Variants in BANP observed in about 807,000 individuals in gnomAD.
The protein encoded by BANP is BTG3 associated nuclear protein.
In BANP, 11 loss-of-function variants were observed where a neutral mutation model predicts 68.1. That is an observed-to-expected ratio of 0.16 (90% CI 0.10 to 0.27). The LOEUF is 0.27. Among genes scored for constraint, BANP ranks in the 10% least tolerant of loss-of-function variants. BANP has a pLI of 1.00. For missense variants in BANP, 504 were observed against 722.7 expected (o/e 0.70, Z 3.47); for synonymous variants, 329 against 303.2 (o/e 1.09, Z -0.88).
intron 11 of BANP, among the ~76,000 whole-genome samples, chr16:88,058,283 A>T (rs187880862): frequency 1.2e-3 from 189 of 152,082 alleles, no homozygotes; most frequent in African/African-American, 4.3e-3. Context: ...CTCAAATGGG[A>T]GCTTGGGATT....
intron 13 of BANP, among the ~76,000 whole-genome samples, chr16:88,075,023 G>A (rs1365515194): frequency 1.3e-5 from 2 of 152,122 alleles, no homozygotes; most frequent in Non-Finnish European, 2.9e-5. Context: ...GGGCAACGTA[G>A]CGAGACCCCC....
chr16:88,049,223 G>A (rs1458009809), intron 11 of BANP, among the ~76,000 whole-genome samples: 1 of 152,172 alleles, frequency 6.6e-6, no homozygotes, highest in African/African-American at 2.4e-5. Flanking sequence ...GCTTCAGGTT[G>A]GGCTTCCCAC....
chr16:88,038,903 G>A (rs1352415153), intron 11 of BANP, among the ~76,000 whole-genome samples: 2 of 152,196 alleles, frequency 1.3e-5, no homozygotes, highest in Admixed American at 1.3e-4. Context: ...AGCTCACTGC[G>A]TAGAAAGATA....
chr16:88,005,814 T>A (rs761593713), intron 5 of BANP, among the ~76,000 whole-genome samples: 1 of 152,388 alleles, frequency 6.6e-6, no homozygotes, highest in Middle Eastern at 3.4e-3. Flanking sequence ...GAAGGCAGCA[T>A]GCTAGGCCTG....
At chr16:87,973,067 C>T (rs149551446) in intron 1 of BANP, among the ~76,000 whole-genome samples, 4 of 152,112 alleles carry the variant, frequency 2.6e-5, no homozygotes, top group Non-Finnish European at 5.9e-5. Flanking sequence ...AATATGCTGT[C>T]ACCTCGTTCT....
chr16:88,070,195 A>T (rs1365188600), intron 12 of BANP, among the ~76,000 whole-genome samples: 1 of 152,186 alleles, frequency 6.6e-6, no homozygotes, highest in Non-Finnish European at 1.5e-5. Context: ...GCCATTGGTC[A>T]ACAGGCTATT....
intron 5 of BANP, among the ~76,000 whole-genome samples, 176 bp from the exon 6 acceptor site, chr16:88,005,914 C>G (rs1281887856): frequency 1.3e-5 from 2 of 152,190 alleles, no homozygotes; most frequent in Non-Finnish European, 2.9e-5. Context: ...CTTTCAGCCC[C>G]AGGCCATTTT....
chr16:88,049,024 C>G (rs1412871470), intron 11 of BANP, among the ~76,000 whole-genome samples: 1 of 152,158 alleles, frequency 6.6e-6, no homozygotes, highest in Non-Finnish European at 1.5e-5. Context: ...CCATCATCAA[C>G]ACACAAAAAG....
chr16:87,990,585 A>T (rs1006465803), intron 4 of BANP, among the ~76,000 whole-genome samples: 3 of 152,208 alleles, frequency 2.0e-5, no homozygotes, highest in African/African-American at 7.2e-5. Context: ...GAATCTGACA[A>T]ACTCAAGGGA....
chr16:88,049,069 A>G (rs954018390), intron 11 of BANP, among the ~76,000 whole-genome samples: 2 of 152,052 alleles, frequency 1.3e-5, no homozygotes, highest in Non-Finnish European at 2.9e-5. Flanking sequence ...TTTTCTGGAC[A>G]CAGCAAGCAG....
At position 88,057,285 on chromosome 16, in the gene BANP, G is replaced by C. The variant is rs529249935; in HGVS notation, c.1312-7982G>C. On this transcript the variant is annotated intron_variant, in intron 11 of 13. Transcript: ENST00000682872. The surrounding 1 kb of genome is among the most constrained non-coding windows in gnomAD (Gnocchi z 4.6). ...CGCCTGTTGCTTTGGGTGCCTCTGT[G>C]GGGAGCAGCTAATGGATGTGTAGAC... is the stretch of plus-strand genomic sequence containing the variant. 1.2e-4 allele frequency among the ~76,000 whole-genome samples: 18 copies of C among 152,296 alleles called. No homozygotes were observed. In the East Asian group the frequency reaches 3.3e-3, roughly 28 times the overall value.
At position 87,955,100 on chromosome 16, in the gene BANP, C is replaced by A. The variant is rs2057782282; in HGVS notation, c.-69+3585C>A. Among the ~76,000 whole-genome samples the A allele has an allele frequency of 1.3e-5, 2 of 152,204 alleles. 1 individual carries two copies. The highest frequency in any genetic ancestry group is 1.3e-4 in the Admixed American group (2 of 15,288). On this transcript the variant is annotated intron_variant, in intron 1 of 13. Transcript: ENST00000682872. ...TTGGCTCCTCGCTGGGTCAGTGTGC[C>A]AAGCGGGCCGTCTGCCCTGCTGGGG...
At chr16:88,021,292 G>A (rs1213451172) in intron 7 of BANP, among the ~76,000 whole-genome samples, 4 of 152,312 alleles carry the variant, frequency 2.6e-5, no homozygotes, top group African/African-American at 9.6e-5. Flanking sequence ...TGGCAGGGGC[G>A]TCCGCTAGCA....
At chr16:87,975,320 G>C in intron 2 of BANP, 135 bp downstream of exon 2, 1 of 886,996 alleles carries the variant, frequency 1.1e-6, no homozygotes, top group Middle Eastern at 2.2e-4. Flanking sequence ...TTGAATCCTA[G>C]AGATGTGAAC....
At chr16:87,994,599 T>C (rs2066710559) in intron 4 of BANP, among the ~76,000 whole-genome samples, 1 of 152,210 alleles carries the variant, frequency 6.6e-6, no homozygotes, top group South Asian at 2.1e-4. Flanking sequence ...GCCGATTTAT[T>C]TTTATCCCTG....
At chr16:88,022,623 C>A (rs770905501) in intron 7 of BANP, among the ~76,000 whole-genome samples, 8 of 152,168 alleles carry the variant, frequency 5.3e-5, no homozygotes, top group African/African-American at 1.9e-4. Context: ...CCTGTGGCCG[C>A]GGGGACAAAG....
chr16:87,981,051 A>C lies in BANP; in HGVS notation c.86A>C (p.His29Pro). ...CTGATTTCAGTTGTTTTGGAGAATC[A>C]TGTAGTGACAGATGAAGACGAACCT... ...SPDHPVVLEN[H>P]VVTDEDEPAL... is the part of the protein sequence containing the mutation. The change falls in exon 3 of 14, where the codon CAT becomes CCT. Residue 29 changes from histidine to proline, a missense_variant. Physicochemically the swap from His to Pro is moderately conservative, Grantham distance 77 (BLOSUM62 -2). Around this residue, in one of 3 missense-constraint regions of BANP, gnomAD observed 238 missense variants for 278.9 expected, o/e 0.85. Transcript: ENST00000682872. 6.2e-6 allele frequency: 10 copies of C among 1,613,224 alleles called. No individual in the cohort carries two copies. Among genetic ancestry groups the C allele is most frequent in the Non-Finnish European group, 7.6e-6 (9 of 1,179,280 alleles).
chr16:88,040,802 G>A (rs2080580145), intron 11 of BANP, among the ~76,000 whole-genome samples: 1 of 152,262 alleles, frequency 6.6e-6, no homozygotes. Context: ...GGTGGTTGGG[G>A]GAGGGCGAGG....
At chr16:87,986,730 G>A (rs1282041220) in intron 4 of BANP, among the ~76,000 whole-genome samples, 1 of 152,144 alleles carries the variant, frequency 6.6e-6, no homozygotes, top group African/African-American at 2.4e-5. Context: ...GGGGGCAAAT[G>A]ATATCATTCA....
Sources: gnomAD v4.1 joint callset for allele counts (sites outside exome capture counted in the v4.1 genomes callset) on GRCh38, gnomAD v4.1.1 for gene constraint, gnomAD v4.1.1 regional missense constraint, Gnocchi (gnomAD v3.1) non-coding constraint, MANE v1.5 for transcripts, NCBI Gene and HGNC (gene_info 2026-07-23, HGNC 2026-07-21) for gene names.